Variants in HEPH observed in about 807,000 individuals in gnomAD.
HEPH encodes hephaestin.
In HEPH, 69 loss-of-function variants were observed where a neutral mutation model predicts 80.8. The ratio of observed to expected loss-of-function variants is 0.85; its 90% CI spans 0.70 to 1.04. HEPH has a LOEUF of 1.04. Ranked by LOEUF, HEPH falls within the 50% of genes least tolerant of loss-of-function variation. The pLI is 0.00. For synonymous variants in HEPH, 431 were observed against 322.8 expected, an observed-to-expected ratio of 1.34 and a Z score of -3.60; for missense variants, 1,115 against 891.3, an observed-to-expected ratio of 1.25 and a Z score of -3.20.
chrX:66,168,825 G>A (rs2086474318), intron 1 of HEPH, among the ~76,000 whole-genome samples: 1 of 111,669 alleles, frequency 9.0e-6, no homozygotes, highest in Non-Finnish European at 1.9e-5. Flanking sequence ...TCAGTGAATA[G>A]TAGCCATTAT....
At chrX:66,264,117 A>G (rs1176080680) in intron 20 of HEPH, among the ~76,000 whole-genome samples, 3 of 109,873 alleles carry the variant, frequency 2.7e-5, no homozygotes, top group Non-Finnish European at 5.7e-5. Context: ...GTAGAAGGGC[A>G]GTGAGGAATA....
intron 15 of HEPH, among the ~76,000 whole-genome samples, chrX:66,251,625 C>A (rs2091009216): frequency 9.0e-6 from 1 of 110,793 alleles, no homozygotes; most frequent in Non-Finnish European, 1.9e-5. Flanking sequence ...TATGGTCAGT[C>A]CAGGGCTCTC....
rs1329542841 is a variant in HEPH at position 66,207,228 on chromosome X, G to T, written c.2325G>T (p.Gly775=). The T allele has an allele frequency of 1.7e-6, 2 of 1,203,559 alleles. No individual in the cohort carries two copies. The highest frequency in any genetic ancestry group is 1.8e-5 in the African/African-American group (1 of 56,136). The part of the protein sequence containing the change: ...YGYIFLSNKD[G]LLGSRYKKAV... ...ACATTTTCCTGAGCAACAAGGATGG[G>T]CTCCTGGGTTCCAGATACAAGAAAG... The change falls in exon 14 of 21, where the codon GGG becomes GGT. Residue 775 remains glycine (G), a synonymous_variant. Transcript: ENST00000343002.
At chrX:66,238,119 T>C (rs2090432690) in intron 15 of HEPH, among the ~76,000 whole-genome samples, 1 of 111,924 alleles carries the variant, frequency 8.9e-6, no homozygotes, top group Non-Finnish European at 1.9e-5. Context: ...CCATTTACAT[T>C]CAAGGTTAGT....
In HEPH at chrX:66,164,298, C is replaced by T; in HGVS notation, c.-186C>T. 1.3e-6 allele frequency: 1 copy of T among 753,224 alleles called. No homozygotes were observed. The highest frequency in any genetic ancestry group is 1.6e-6 in the Non-Finnish European group (1 of 638,435). The allele number at this position is 753,224 out of a possible 1,213,427, so 62.1% of individuals were successfully genotyped here. A position where few individuals can be genotyped will look rare whatever the true frequency, so the allele number is the denominator to read the frequency against. On this transcript the variant is annotated 5_prime_UTR_variant, in exon 1 of 21. Coordinates refer to ENST00000343002, the MANE Select transcript of HEPH (RefSeq NM_001367233.3). ...GAGGGCACCCAGCCCTTCCCCCTCC[C>T]TCATCCTCCCATCCCAGTAAACCCT... is the stretch of plus-strand genomic sequence containing the variant.
In HEPH at chrX:66,200,868, A is replaced by G. The variant is rs139105791; in HGVS notation, c.2077+116A>G. ...AATAGGCATGTTAAGGGTTCTAGGAAGTTTTTAAAAACACTTGTCTTTTTC... is the reference window on the plus strand; with the variant it reads ...AATAGGCATGTTAAGGGTTCTAGGAGGTTTTTAAAAACACTTGTCTTTTTC... On this transcript the variant is annotated intron_variant, in intron 12 of 20. Coordinates refer to ENST00000343002, the MANE Select transcript of HEPH (RefSeq NM_001367233.3). 186 of 546,909 alleles carry G rather than the reference A, an allele frequency of 3.4e-4. No homozygotes were observed. The African/African-American group carries it at 4.2e-3, about 12-fold the overall frequency. The allele number at this position is 546,909 out of a possible 1,213,427, so 45.1% of individuals were successfully genotyped here.
intron 19 of HEPH, among the ~76,000 whole-genome samples, chrX:66,261,748 A>C (rs1209561948): frequency 9.0e-6 from 1 of 111,698 alleles, no homozygotes; most frequent in Non-Finnish European, 1.9e-5. Context: ...ATTGCACATT[A>C]TGACTTCCTA....
chrX:66,224,921 G>A (rs1389998047), intron 15 of HEPH, among the ~76,000 whole-genome samples: 3 of 104,278 alleles, frequency 2.9e-5, no homozygotes, highest in African/African-American at 1.1e-4. Context: ...CTCTCTCTCT[G>A]CCTCTCTCTT....
intron 4 of HEPH, among the ~76,000 whole-genome samples, chrX:66,174,836 T>C (rs768054553): frequency 8.9e-6 from 1 of 112,104 alleles, no homozygotes; most frequent in African/African-American, 3.2e-5. Context: ...TGTCTATTCA[T>C]GTTCTTAGCC....
chrX:66,163,179 G>C (rs1015214442), upstream of HEPH, among the ~76,000 whole-genome samples: 27 of 111,147 alleles, frequency 2.4e-4, 1 homozygote, highest in Non-Finnish European at 5.7e-5. Flanking sequence ...GAAGAGAAGG[G>C]AGTGGGCCAA....
intron 19 of HEPH, 89 bp downstream of exon 19, chrX:66,260,351 C>G (rs2091320434): frequency 5.4e-6 from 4 of 737,979 alleles, no homozygotes. Flanking sequence ...TCTTGATTGT[C>G]TCCTTCTGAT....
chrX:66,244,829 C>A (rs2090738741), intron 15 of HEPH, among the ~76,000 whole-genome samples: 1 of 107,818 alleles, frequency 9.3e-6, no homozygotes, highest in South Asian at 3.9e-4. Flanking sequence ...ATAAGTTTTT[C>A]TTGCTTTTAT....
chrX:66,256,372 A>G (rs1321744973), intron 17 of HEPH, 42 bp downstream of exon 17: 3 of 979,528 alleles, frequency 3.1e-6, no homozygotes, highest in Non-Finnish European at 4.3e-6. Context: ...AGCAGTCCCT[A>G]CTGGTTACAT....
At chrX:66,199,853 G>A (rs1437029806) in intron 11 of HEPH, among the ~76,000 whole-genome samples, 2 of 111,863 alleles carry the variant, frequency 1.8e-5, no homozygotes, top group Non-Finnish European at 3.8e-5. Context: ...CATGTGAAAA[G>A]TCAACAGGTA....
At chrX:66,260,392 T>C (rs1197626623) in intron 19 of HEPH, 130 bp downstream of exon 19, 1 of 484,598 alleles carries the variant, frequency 2.1e-6, no homozygotes, top group Non-Finnish European at 3.4e-6. Flanking sequence ...AGGCAGAGCA[T>C]AGCCTCCCTC....
At chrX:66,231,846 G>C (rs1255318223) in intron 15 of HEPH, among the ~76,000 whole-genome samples, 1 of 107,815 alleles carries the variant, frequency 9.3e-6, no homozygotes, top group African/African-American at 3.5e-5. Flanking sequence ...GGGCATCCCT[G>C]TCTTGTGCCA....
intron 20 of HEPH, among the ~76,000 whole-genome samples, chrX:66,264,822 T>A (rs1447241604): frequency 2.3e-4 from 24 of 105,943 alleles, no homozygotes; most frequent in African/African-American, 7.4e-4. Flanking sequence ...ATATATATTT[T>A]TATATATATT....
intron 15 of HEPH, among the ~76,000 whole-genome samples, chrX:66,230,542 T>C (rs1418086356): frequency 4.7e-5 from 5 of 106,560 alleles, no homozygotes; most frequent in Non-Finnish European, 9.6e-5. Context: ...ATGAACATTT[T>C]TTCATGTGTT....
chrX:66,231,308 G>A (rs1183916021), intron 15 of HEPH, among the ~76,000 whole-genome samples: 5 of 107,314 alleles, frequency 4.7e-5, no homozygotes, highest in African/African-American at 1.7e-4. Flanking sequence ...TTCCAATTCT[G>A]TGAAGAAAGT....
Sources: allele counts gnomAD v4.1 joint callset (sites outside exome capture counted in the v4.1 genomes callset), GRCh38; gene constraint gnomAD v4.1.1; transcripts MANE v1.5; gene names NCBI Gene and HGNC (gene_info 2026-07-23, HGNC 2026-07-21).